Variants in TRIM2 observed in about 807,000 individuals in gnomAD.
TRIM2 encodes the protein tripartite motif containing 2.
TRIM2 carries 20 observed loss-of-function variants against 75.2 expected under a neutral mutation model. The observed-to-expected ratio is 0.27, with a 90% CI of 0.19 to 0.39. The LOEUF is 0.39. Ranked by LOEUF, TRIM2 falls within the 10% of genes least tolerant of loss-of-function variation. The pLI, the probability that TRIM2 is intolerant of heterozygous loss-of-function variation, is 1.00. For synonymous variants in TRIM2, 373 were observed against 388.3 expected, an observed-to-expected ratio of 0.96 and a Z score of 0.46; for missense variants, 660 against 990.8, an observed-to-expected ratio of 0.67 and a Z score of 4.48.
intron 1 of TRIM2, among the ~76,000 whole-genome samples, chr4:153,178,724 T>C (rs572952390): frequency 1.3e-5 from 2 of 152,362 alleles, no homozygotes; most frequent in East Asian, 3.9e-4. Flanking sequence ...TTAAAGGCTC[T>C]GAGAGGCCCT....
At chr4:153,311,339 T>A in intron 6 of TRIM2, among the ~76,000 whole-genome samples, 1 of 151,278 alleles carries the variant, frequency 6.6e-6, no homozygotes, top group African/African-American at 2.5e-5. Flanking sequence ...TAAAGCACTA[T>A]TTTCTCTGTT....
At chr4:153,197,834 CTG>C (rs1254297413) in intron 1 of TRIM2, among the ~76,000 whole-genome samples, 1 of 152,160 alleles carries the variant, frequency 6.6e-6, no homozygotes, top group East Asian at 1.9e-4. Context: ...GATTGCACCA[CTG>C]TACTCCAGCC....
At chr4:153,283,708 C>A (rs116352335) in intron 3 of TRIM2, among the ~76,000 whole-genome samples, 67 of 148,304 alleles carry the variant, frequency 4.5e-4, no homozygotes, top group South Asian at 4.5e-3. Flanking sequence ...GGAAACTTGG[C>A]TCACTGCAAC....
chr4:153,202,960 C>G (rs1285446090), upstream of TRIM2, among the ~76,000 whole-genome samples: 1 of 151,646 alleles, frequency 6.6e-6, no homozygotes, highest in African/African-American at 2.4e-5. Flanking sequence ...CAAAAATTAG[C>G]TGGTCGTGGT....
chr4:153,198,474 G>A (rs557098826), intron 1 of TRIM2, among the ~76,000 whole-genome samples: 4 of 152,204 alleles, frequency 2.6e-5, no homozygotes, highest in East Asian at 3.9e-4. Flanking sequence ...CCATGATTAC[G>A]AGACCTCCCC....
chr4:153,173,783 A>G (rs1048488377), intron 1 of TRIM2, among the ~76,000 whole-genome samples: 4 of 151,488 alleles, frequency 2.6e-5, no homozygotes, highest in Non-Finnish European at 5.9e-5. Context: ...CCGGACCAAC[A>G]TGGAAAAACC....
At chr4:153,244,352 T>TTCTTCTTCCTCC (rs1560874221) in intron 1 of TRIM2, among the ~76,000 whole-genome samples, 2 of 33,172 alleles carry the variant, frequency 6.0e-5, no homozygotes, top group Non-Finnish European at 9.8e-5. Context: ...CTTCTTCTTC[T>TTCTTCTTCCTCC]TCCTCTTCTT....
intron 6 of TRIM2, among the ~76,000 whole-genome samples, chr4:153,304,753 A>G (rs1196199922): frequency 6.6e-6 from 1 of 152,236 alleles, no homozygotes; most frequent in African/African-American, 2.4e-5. Flanking sequence ...TTACAGAATT[A>G]GAATCTCTTG....
intron 1 of TRIM2, among the ~76,000 whole-genome samples, chr4:153,224,414 G>A (rs1445321652): frequency 6.6e-6 from 1 of 152,180 alleles, no homozygotes; most frequent in East Asian, 1.9e-4. Context: ...AATCTGGCCT[G>A]TTCTGGGCTA....
rs35151599 is a variant in TRIM2, at chr4:153,335,277, A to AG, written c.*311_*312insG. On this transcript the variant is annotated 3_prime_UTR_variant, in exon 12 of 12. Coordinates refer to ENST00000338700, the MANE Select transcript of TRIM2 (RefSeq NM_015271.5). Reference sequence around the variant, plus strand: ...TGCAAATCAAACAGACACTTAAAAAACTAGCATATGTAAAGGTATTCGTTA... The same window carrying AG: ...TGCAAATCAAACAGACACTTAAAAAAGCTAGCATATGTAAAGGTATTCGTTA... 1 of 1,048,998 alleles carries AG rather than the reference A, an allele frequency of 9.5e-7. No individual in the cohort carries two copies. The highest frequency in any genetic ancestry group is 1.1e-6 in the Non-Finnish European group (1 of 871,890). 65.0% of individuals were successfully genotyped at this position (1,048,998 alleles called of 1,614,324 possible). A position where few individuals can be genotyped will look rare whatever the true frequency, so the allele number is the denominator to read the frequency against.
intron 1 of TRIM2, among the ~76,000 whole-genome samples, chr4:153,231,596 G>A (rs1338428104): frequency 6.6e-6 from 1 of 152,232 alleles, no homozygotes; most frequent in Non-Finnish European, 1.5e-5. Context: ...AAATAAGGAG[G>A]TGGAATCAAA....
At chr4:153,196,271 C>A (rs193134563) in intron 1 of TRIM2, among the ~76,000 whole-genome samples, 13,139 of 147,752 alleles carry the variant, frequency 0.089, 708 homozygotes, top group Admixed American at 0.15. Context: ...CCACCCCCCC[C>A]CACACACACA....
rs375976093 is a variant in TRIM2 at position 153,294,630 on chromosome 4, AT to A, written c.786+151del. On this transcript the variant is annotated intron_variant, in intron 5 of 11. Transcript: ENST00000338700. ...TTTTCACTGAATGTAATATCCAGCT[AT>A]TTTTTCCCCTATTTTCAGCAAAATT... 19 of 898,906 alleles carry A rather than the reference AT, an allele frequency of 2.1e-5. No homozygotes were observed. In the South Asian group the frequency reaches 3.0e-4, roughly 14 times the overall value. 55.7% of individuals were successfully genotyped at this position (898,906 alleles called of 1,614,324 possible). A position where few individuals can be genotyped will look rare whatever the true frequency, so the allele number is the denominator to read the frequency against.
chr4:153,224,643 T>A (rs1741641361), intron 1 of TRIM2, among the ~76,000 whole-genome samples: 1 of 152,236 alleles, frequency 6.6e-6, no homozygotes, highest in Non-Finnish European at 1.5e-5. Flanking sequence ...TTTTTCCAAT[T>A]CCTGCCTTTA....
At chr4:153,226,633 A>G (rs1742201267) in intron 1 of TRIM2, among the ~76,000 whole-genome samples, 1 of 152,210 alleles carries the variant, frequency 6.6e-6, no homozygotes, top group Non-Finnish European at 1.5e-5. Flanking sequence ...AACCTAAAAT[A>G]TTAAGAGAGG....
intron 1 of TRIM2, among the ~76,000 whole-genome samples, chr4:153,261,198 G>A (rs761039029): frequency 1.3e-5 from 2 of 152,188 alleles, no homozygotes; most frequent in Non-Finnish European, 2.9e-5. Context: ...AAGGCCGGTG[G>A]ATTGCTTGAG....
At chr4:153,334,646 C>T (rs1772221662) in intron 11 of TRIM2, among the ~76,000 whole-genome samples, 168 bp from the exon 12 acceptor site, 1 of 152,138 alleles carries the variant, frequency 6.6e-6, no homozygotes, top group Non-Finnish European at 1.5e-5. Flanking sequence ...TTAAAGGTTA[C>T]AGTAAGCTGT....
chr4:153,164,618 T>C (rs35710645), intron 1 of TRIM2, among the ~76,000 whole-genome samples: 67,774 of 152,078 alleles, frequency 0.45, 16,206 homozygotes, highest in Non-Finnish European at 0.55. Context: ...CGAATTTTCT[T>C]TTGGCAGGCA....
chr4:153,306,127 T>G lies in TRIM2; in HGVS notation c.1511-9358T>G, dbSNP rs572547207. On this transcript the variant is annotated intron_variant, in intron 6 of 11. Coordinates refer to ENST00000338700, the MANE Select transcript of TRIM2 (RefSeq NM_015271.5). ...CTGGATGACAGAGCAAGACTCCATC[T>G]CAAAAAAAAAAAAAAAAGTTTAATT... 7.0e-3 allele frequency among the ~76,000 whole-genome samples: 987 copies of G among 140,718 alleles called. 13 individuals are homozygous for G. The highest frequency in any genetic ancestry group is 0.025 in the African/African-American group (932 of 36,990). The allele number at this position is 140,718 out of a possible 152,430, so 92.3% of individuals were successfully genotyped here. A position where few individuals can be genotyped will look rare whatever the true frequency, so the allele number is the denominator to read the frequency against.
Sources: gnomAD v4.1 joint callset for allele counts (sites outside exome capture counted in the v4.1 genomes callset) on GRCh38, gnomAD v4.1.1 for gene constraint, MANE v1.5 for transcripts, NCBI Gene and HGNC (gene_info 2026-07-23, HGNC 2026-07-21) for gene names.